Variants in PARD3 observed in about 807,000 individuals in gnomAD.
PARD3 encodes par-3 family cell polarity regulator, also known as partitioning defective 3 homolog.
PARD3 carries 75 observed loss-of-function variants against 155.4 expected under a neutral mutation model. The observed-to-expected ratio is 0.48, with a 90% CI of 0.40 to 0.58. The LOEUF is 0.58. Ranked by LOEUF, PARD3 falls within the 20% of genes least tolerant of loss-of-function variation. The probability of loss-of-function intolerance (pLI) is 0.00; values close to 1 mark genes in which losing one functional copy is unlikely to be tolerated. For missense variants in PARD3, 1,642 were observed against 1,721.7 expected (o/e 0.95, Z 0.82); for synonymous variants, 576 against 610.5 (o/e 0.94, Z 0.83).
intron 12 of PARD3, among the ~76,000 whole-genome samples, chr10:34,366,080 C>G (rs1839941298): frequency 6.6e-6 from 1 of 151,918 alleles, no homozygotes; most frequent in Admixed American, 6.6e-5. Flanking sequence ...CATTGTATAC[C>G]ACTTCTTTAA....
At chr10:34,737,837 A>C (rs2094942977) in intron 1 of PARD3, among the ~76,000 whole-genome samples, 1 of 152,164 alleles carries the variant, frequency 6.6e-6, no homozygotes, top group Admixed American at 6.5e-5. Flanking sequence ...CACACAGCAA[A>C]CCAGCATGAA....
chr10:34,797,414 C>G (rs529824835), intron 1 of PARD3, among the ~76,000 whole-genome samples: 14 of 152,144 alleles, frequency 9.2e-5, no homozygotes, highest in Admixed American at 2.6e-4. Flanking sequence ...AGTCTCCCAA[C>G]GTGCTGGAAT....
intron 1 of PARD3, among the ~76,000 whole-genome samples, chr10:34,762,417 C>T (rs536221072): frequency 1.3e-5 from 2 of 151,666 alleles, no homozygotes; most frequent in African/African-American, 4.8e-5. Context: ...CCTCAGCCTT[C>T]CTCCCATCCC....
intron 1 of PARD3, among the ~76,000 whole-genome samples, chr10:34,728,563 C>G (rs1044307209): frequency 1.3e-5 from 2 of 152,186 alleles, no homozygotes; most frequent in Non-Finnish European, 2.9e-5. Flanking sequence ...AACTGACACA[C>G]TTGTGTTTGT....
chr10:34,572,275 C>T (rs545414444), intron 2 of PARD3, among the ~76,000 whole-genome samples: 108 of 151,992 alleles, frequency 7.1e-4, no homozygotes, highest in Non-Finnish European at 1.3e-3. Context: ...AGGAGGCTGA[C>T]ATGGGGGGAT....
chr10:34,673,269 A>C (rs1286712658), intron 2 of PARD3, among the ~76,000 whole-genome samples: 1 of 152,194 alleles, frequency 6.6e-6, no homozygotes, highest in Admixed American at 6.5e-5. Context: ...GAGAAAGCTT[A>C]TTTGCCACAG....
intron 5 of PARD3, among the ~76,000 whole-genome samples, chr10:34,433,749 T>G (rs1589559156): frequency 6.6e-6 from 1 of 152,206 alleles, no homozygotes; most frequent in African/African-American, 2.4e-5. Context: ...AAATGGTTGC[T>G]GTAAAAATGT....
chr10:34,563,921 G>T (rs1452177098), intron 2 of PARD3, among the ~76,000 whole-genome samples: 3 of 152,160 alleles, frequency 2.0e-5, no homozygotes, highest in Non-Finnish European at 4.4e-5. Flanking sequence ...TCTTTTCATA[G>T]ATAAAATTCA....
chr10:34,741,981 G>A (rs901860248), intron 1 of PARD3, among the ~76,000 whole-genome samples: 5 of 152,072 alleles, frequency 3.3e-5, no homozygotes, highest in Admixed American at 1.3e-4. Flanking sequence ...CAGGTTCAGC[G>A]ACAATACTCA....
chr10:34,712,098 A>T (rs2086975145), intron 1 of PARD3, among the ~76,000 whole-genome samples: 2 of 152,178 alleles, frequency 1.3e-5, no homozygotes, highest in South Asian at 4.1e-4. Context: ...CATACCCCAG[A>T]AAAAAGAGGG....
chr10:34,535,755 C>T (rs1228989310), intron 2 of PARD3, among the ~76,000 whole-genome samples: 2 of 151,594 alleles, frequency 1.3e-5, no homozygotes, highest in African/African-American at 2.4e-5. Flanking sequence ...GGATTACAGG[C>T]GTGAGCCACC....
At chr10:34,691,796 C>T (rs1470286350) in intron 2 of PARD3, among the ~76,000 whole-genome samples, 1 of 119,970 alleles carries the variant, frequency 8.3e-6, no homozygotes, top group East Asian at 2.7e-4. Context: ...CACACACCTA[C>T]AACCATCTAT....
At chr10:34,755,026 CCAAGGTCCTTAA>C (rs1238460457) in intron 1 of PARD3, among the ~76,000 whole-genome samples, 1 of 152,102 alleles carries the variant, frequency 6.6e-6, no homozygotes, top group East Asian at 1.9e-4. Context: ...TGTCACTTTT[CCAAGGTCCTTAA>C]AACAGGCAGA....
chr10:34,114,548 T>C (rs900998469), intron 24 of PARD3, among the ~76,000 whole-genome samples: 4 of 152,286 alleles, frequency 2.6e-5, no homozygotes, highest in African/African-American at 9.6e-5. Context: ...TTCACCATGT[T>C]GGACCAGGCT....
At chr10:34,193,869 C>T (rs1950822791) in intron 22 of PARD3, among the ~76,000 whole-genome samples, 1 of 152,182 alleles carries the variant, frequency 6.6e-6, no homozygotes, top group African/African-American at 2.4e-5. Context: ...TCCTGGTTTT[C>T]AATGCCCTGA....
intron 2 of PARD3, among the ~76,000 whole-genome samples, chr10:34,631,407 C>T (rs1229576559): frequency 6.6e-6 from 1 of 152,102 alleles, no homozygotes; most frequent in African/African-American, 2.4e-5. Context: ...TCAGCCCTTA[C>T]CCTTAGGAGG....
At chr10:34,762,239 A>G (rs1837530079) in intron 1 of PARD3, among the ~76,000 whole-genome samples, 1 of 151,404 alleles carries the variant, frequency 6.6e-6, no homozygotes. Flanking sequence ...TGTGAGAAAG[A>G]GAGAGGCAGG....
At chr10:34,607,992 T>C (rs1351192421) in intron 2 of PARD3, among the ~76,000 whole-genome samples, 1 of 152,182 alleles carries the variant, frequency 6.6e-6, no homozygotes, top group Non-Finnish European at 1.5e-5. Context: ...CCCTGCACTT[T>C]CATTCTGCAC....
intron 1 of PARD3, among the ~76,000 whole-genome samples, chr10:34,702,602 TTACG>T (rs2094299402): frequency 6.6e-6 from 1 of 152,138 alleles, no homozygotes; most frequent in African/African-American, 2.4e-5. Context: ...AAGTGAATAT[TTACG>T]TACTGATTAC....
Sources: allele counts gnomAD v4.1 joint callset (sites outside exome capture counted in the v4.1 genomes callset), GRCh38; gene constraint gnomAD v4.1.1; transcripts MANE v1.5; gene names NCBI Gene and HGNC (gene_info 2026-07-23, HGNC 2026-07-21).